The following ASPRV1 variants were observed in gnomAD, a reference collection of about 807,000 sequenced individuals.
The protein encoded by ASPRV1 is aspartic peptidase retroviral like 1, also known as retroviral-like aspartic protease 1.
ASPRV1 carries 7 observed loss-of-function variants against 11.0 expected under a neutral mutation model. That is an observed-to-expected ratio of 0.64 (90% CI 0.36 to 1.20). ASPRV1 has a LOEUF of 1.20. ASPRV1 is among the 50% of genes most tolerant of loss of function. The probability of loss-of-function intolerance (pLI) is 0.02; values close to 1 mark genes in which losing one functional copy is unlikely to be tolerated. For missense variants in ASPRV1, 299 were observed against 320.0 expected, an observed-to-expected ratio of 0.93 and a Z score of 0.50; for synonymous variants, 136 against 138.4, an observed-to-expected ratio of 0.98 and a Z score of 0.12.
At chr2:70,000,318 CAA>C in the ASPRV1 span, among the ~76,000 whole-genome samples, 279 of 77,032 alleles carry the variant, frequency 3.6e-3, 1 homozygote, top group South Asian at 0.018. Flanking sequence ...CCCTCATCTC[CAA>C]AAAAAAAAAA....
the ASPRV1 span, chr2:69,941,451 A>C: frequency 6.6e-6 from 1 of 152,260 alleles, no homozygotes; most frequent in Non-Finnish European, 1.5e-5. Flanking sequence ...TTCAAAATGC[A>C]TCACATTTTT....
At chr2:70,065,906 G>A in the ASPRV1 span, among the ~76,000 whole-genome samples, 1 of 150,670 alleles carries the variant, frequency 6.6e-6, no homozygotes, top group African/African-American at 2.4e-5. Flanking sequence ...ATAAAATGAA[G>A]TCATTAAAAG....
At chr2:69,983,787 G>C in the ASPRV1 span, among the ~76,000 whole-genome samples, 1 of 152,172 alleles carries the variant, frequency 6.6e-6, no homozygotes, top group Non-Finnish European at 1.5e-5. Flanking sequence ...ATTCTGGACA[G>C]CACCTCACTT....
At chr2:70,007,158 T>C in the ASPRV1 span, among the ~76,000 whole-genome samples, 4 of 152,342 alleles carry the variant, frequency 2.6e-5, no homozygotes, top group South Asian at 8.3e-4. Flanking sequence ...AATCATTGGT[T>C]AAATACATGT....
At chr2:70,031,410 C>T in the ASPRV1 span, 2 of 152,068 alleles carry the variant, frequency 1.3e-5, no homozygotes, top group Admixed American at 6.6e-5. Context: ...AAAGGGAAAA[C>T]CTGAGGGCTG....
chr2:70,063,204 C>A, the ASPRV1 span, among the ~76,000 whole-genome samples: 1 of 152,208 alleles, frequency 6.6e-6, no homozygotes, highest in African/African-American at 2.4e-5. Flanking sequence ...GGGACTAGCG[C>A]TACCCCTCAA....
chr2:70,038,895 A>G, the ASPRV1 span, among the ~76,000 whole-genome samples: 3 of 152,126 alleles, frequency 2.0e-5, no homozygotes, highest in Non-Finnish European at 2.9e-5. Flanking sequence ...CCTGACCAAC[A>G]TGGAGAAACC....
At chr2:69,953,887 T>A in the ASPRV1 span, among the ~76,000 whole-genome samples, 1 of 151,642 alleles carries the variant, frequency 6.6e-6, no homozygotes, top group African/African-American at 2.4e-5. Flanking sequence ...TTTTTTTTTT[T>A]TTTGTATTTT....
the ASPRV1 span, among the ~76,000 whole-genome samples, chr2:70,077,544 A>C: frequency 6.6e-6 from 1 of 152,348 alleles, no homozygotes; most frequent in East Asian, 1.9e-4. Flanking sequence ...GCAGAGATAA[A>C]TAGTATTTAC....
chr2:70,057,624 A>G, the ASPRV1 span, among the ~76,000 whole-genome samples: 1 of 150,276 alleles, frequency 6.7e-6, no homozygotes, highest in Non-Finnish European at 1.5e-5. Context: ...GATTACAGGC[A>G]TGCACCACCA....
At chr2:69,951,458 T>A in the ASPRV1 span, among the ~76,000 whole-genome samples, 1 of 116,888 alleles carries the variant, frequency 8.6e-6, no homozygotes, top group Non-Finnish European at 1.7e-5. Flanking sequence ...TGTGTGTGTG[T>A]GTGTGTGTGT....
the ASPRV1 span, among the ~76,000 whole-genome samples, chr2:70,082,989 C>T: frequency 6.6e-6 from 1 of 152,100 alleles, no homozygotes; most frequent in African/African-American, 2.4e-5. Context: ...GTCCCTGCCC[C>T]CAGAGAACAT....
chr2:69,992,263 G>GA, the ASPRV1 span, among the ~76,000 whole-genome samples: 2 of 152,304 alleles, frequency 1.3e-5, 1 homozygote, highest in South Asian at 4.2e-4. Flanking sequence ...TAGCCGAGGG[G>GA]AGTCGCTGCC....
the ASPRV1 span, among the ~76,000 whole-genome samples, chr2:70,021,894 T>C: frequency 1.9e-4 from 28 of 146,232 alleles, no homozygotes; most frequent in South Asian, 6.1e-3. Flanking sequence ...TTAGTAGAGA[T>C]GGGGTTTCAC....
the ASPRV1 span, among the ~76,000 whole-genome samples, chr2:70,024,551 T>G: frequency 6.6e-6 from 1 of 152,156 alleles, no homozygotes; most frequent in African/African-American, 2.4e-5. Flanking sequence ...CCCCTGTCAA[T>G]CTGGCTCAGC....
chr2:69,935,638 C>A, the ASPRV1 span, among the ~76,000 whole-genome samples: 2 of 152,284 alleles, frequency 1.3e-5, no homozygotes, highest in Non-Finnish European at 2.9e-5. Flanking sequence ...TTCTCACTCC[C>A]ATGCACCAGA....
At chr2:70,031,300 G>A in the ASPRV1 span, 1 of 152,128 alleles carries the variant, frequency 6.6e-6, no homozygotes, top group Admixed American at 6.6e-5. Context: ...TCCACATTTT[G>A]CAAGGAGAAC....
chr2:70,033,761 C>G, the ASPRV1 span, among the ~76,000 whole-genome samples: 3 of 152,150 alleles, frequency 2.0e-5, no homozygotes, highest in Non-Finnish European at 1.5e-5. Context: ...TTATATCTCT[C>G]TATATCAACT....
the ASPRV1 span, among the ~76,000 whole-genome samples, chr2:69,976,972 G>T: frequency 6.6e-6 from 1 of 152,024 alleles, no homozygotes; most frequent in Non-Finnish European, 1.5e-5. Context: ...CAGGTGGATC[G>T]CCTGAGGTCA....
Sources: allele counts gnomAD v4.1 joint callset (sites outside exome capture counted in the v4.1 genomes callset), GRCh38; gene constraint gnomAD v4.1.1; transcripts MANE v1.5; gene names NCBI Gene and HGNC (gene_info 2026-07-23, HGNC 2026-07-21).